The following ULK4 variants were observed in gnomAD, a reference collection of about 807,000 sequenced individuals.
ULK4 encodes the protein unc-51 like kinase 4.
Under a neutral mutation model 160.6 loss-of-function variants are expected in ULK4, and 133 were observed. The observed-to-expected ratio is 0.83, with a 90% CI of 0.72 to 0.96. The LOEUF (loss-of-function observed/expected upper bound fraction) is 0.96, where lower values mean the gene tolerates loss of function less well. Among genes scored for constraint, ULK4 ranks in the 40% least tolerant of loss-of-function variants. The probability of loss-of-function intolerance (pLI) is 0.00; values close to 1 mark genes in which losing one functional copy is unlikely to be tolerated. For synonymous variants in ULK4, 534 were observed against 539.8 expected (o/e 0.99, Z 0.15); for missense variants, 1,580 against 1,499.5 (o/e 1.05, Z -0.89).
intron 35 of ULK4, among the ~76,000 whole-genome samples, chr3:41,301,100 A>G (rs1261960958): frequency 6.6e-6 from 1 of 151,620 alleles, no homozygotes. Flanking sequence ...GTATTTCACT[A>G]CAAAATGAAA....
chr3:41,276,058 G>A (rs2079223779), intron 35 of ULK4, among the ~76,000 whole-genome samples: 1 of 152,246 alleles, frequency 6.6e-6, no homozygotes, highest in Admixed American at 6.5e-5. Context: ...ATACCCAGGG[G>A]TATGGTTTAG....
intron 32 of ULK4, among the ~76,000 whole-genome samples, chr3:41,528,948 C>T (rs766431230): frequency 2.0e-5 from 3 of 152,100 alleles, no homozygotes; most frequent in Non-Finnish European, 2.9e-5. Context: ...GCCTATGTAG[C>T]GAGCCTTCAC....
At chr3:41,800,780 T>C (rs1378683959) in intron 19 of ULK4, among the ~76,000 whole-genome samples, 4 of 152,200 alleles carry the variant, frequency 2.6e-5, no homozygotes, top group South Asian at 2.1e-4. Flanking sequence ...AAGAAAGGTA[T>C]TGCTTCAGTG....
chr3:41,933,852 C>T (rs924437712), intron 4 of ULK4, among the ~76,000 whole-genome samples: 2 of 152,054 alleles, frequency 1.3e-5, no homozygotes, highest in Admixed American at 6.6e-5. Flanking sequence ...GAGTTTGAGA[C>T]CAGCCTGGCC....
At chr3:41,719,251 T>A (rs561298109) in intron 22 of ULK4, among the ~76,000 whole-genome samples, 3 of 152,322 alleles carry the variant, frequency 2.0e-5, no homozygotes, top group African/African-American at 7.2e-5. Context: ...CAAGACTGAG[T>A]TCTAGGCCCA....
chr3:41,839,979 C>T lies in ULK4; in HGVS notation c.1657-4008G>A, dbSNP rs574065204. On this transcript the variant is annotated intron_variant, in intron 17 of 36. Coordinates refer to ENST00000301831, the MANE Select transcript of ULK4 (RefSeq NM_017886.4). ...TATGTTCATAGATAGGAAGACTCAACGTAGTGGAAAATGTCAAATTCTCCC... is the reference window on the plus strand; with the variant it reads ...TATGTTCATAGATAGGAAGACTCAATGTAGTGGAAAATGTCAAATTCTCCC... 8.4e-4 allele frequency among the ~76,000 whole-genome samples: 128 copies of T among 152,242 alleles called. 2 individuals carry two copies. Among genetic ancestry groups the T allele is most frequent in the Admixed American group, 1.5e-3 (23 of 15,294 alleles).
Position 41,455,598 on chromosome 3 carries a change from G to A in ULK4, c.3394-3C>T, listed in dbSNP as rs1259185329. On this transcript the variant is annotated splice_polypyrimidine_tract_variant and splice_region_variant and intron_variant, in intron 33 of 36. Coordinates refer to ENST00000301831, the MANE Select transcript of ULK4 (RefSeq NM_017886.4). ...TCTCCTGAGCCAGACTTCTGGGCCT[G>A]GAACAGAGAGAAGAGAAATGAAAGA... 1 of 1,613,510 alleles carries A rather than the reference G, an allele frequency of 6.2e-7. No homozygotes were observed.
At chr3:41,439,753 C>T (rs2083120824) in intron 34 of ULK4, among the ~76,000 whole-genome samples, 1 of 152,136 alleles carries the variant, frequency 6.6e-6, no homozygotes. Flanking sequence ...TGATCAATCT[C>T]TACAAAAAAT....
intron 31 of ULK4, among the ~76,000 whole-genome samples, chr3:41,595,035 C>T (rs2031598800): frequency 6.6e-6 from 1 of 152,164 alleles, no homozygotes; most frequent in Non-Finnish European, 1.5e-5. Context: ...GCAATGAGTG[C>T]AGGATCAAAA....
chr3:41,376,664 C>T lies in ULK4; in HGVS notation c.3678+21415G>A, dbSNP rs1407043314. Among the ~76,000 whole-genome samples, 5 of 149,550 alleles carry T rather than the reference C, an allele frequency of 3.3e-5. 1 individual carries two copies. The East Asian group carries it at 1.0e-3, about 31-fold the overall frequency. ...ATAAAATACCTAGGAATCCAACTTACAAGGGATGTGAAGGACCTCTTCAAG... is the reference window on the plus strand; with the variant it reads ...ATAAAATACCTAGGAATCCAACTTATAAGGGATGTGAAGGACCTCTTCAAG... On this transcript the variant is annotated intron_variant, in intron 35 of 36. Coordinates refer to ENST00000301831, the MANE Select transcript of ULK4 (RefSeq NM_017886.4).
chr3:41,528,547 C>G (rs955828979), intron 32 of ULK4, among the ~76,000 whole-genome samples: 1 of 152,166 alleles, frequency 6.6e-6, no homozygotes, highest in African/African-American at 2.4e-5. Flanking sequence ...ACTTTACAAT[C>G]AGGAAACCAA....
rs6803838 is a variant in ULK4 at position 41,398,060 on chromosome 3, G to A, written c.3678+19C>T. On this transcript the variant is annotated intron_variant, in intron 35 of 36. Transcript: ENST00000301831. ...CAGCAAAGCCACCCACAGTGTCCCC[G>A]GTTTCTGTGTGAACTCACCATTCTT... The A allele has an allele frequency of 9.3e-4, 1,492 of 1,602,720 alleles. 9 individuals carry two copies. The highest frequency in any genetic ancestry group is 8.0e-3 in the Middle Eastern group (48 of 6,000).
chr3:41,831,531 A>ATATATATATATATTTTTTTTTTTTTTT, intron 18 of ULK4, among the ~76,000 whole-genome samples: 1 of 138,066 alleles, frequency 7.2e-6, no homozygotes, highest in African/African-American at 2.8e-5. Context: ...ATATATATAT[A>ATATATATATATATTTTTTTTTTTTTTT]TTTTTTTTTC....
chr3:41,525,296 T>C (rs2086074446), intron 32 of ULK4, among the ~76,000 whole-genome samples: 1 of 152,192 alleles, frequency 6.6e-6, no homozygotes, highest in Non-Finnish European at 1.5e-5. Context: ...ATCTTTAGCA[T>C]TACCCGTTCC....
intron 17 of ULK4, among the ~76,000 whole-genome samples, chr3:41,870,009 A>G (rs1697032997): frequency 6.6e-6 from 1 of 152,164 alleles, no homozygotes; most frequent in Non-Finnish European, 1.5e-5. Flanking sequence ...TTCTTTGAAC[A>G]CTTTAAAAAT....
intron 32 of ULK4, among the ~76,000 whole-genome samples, chr3:41,540,431 C>A (rs1307989636): frequency 1.3e-5 from 2 of 152,164 alleles, no homozygotes; most frequent in African/African-American, 4.8e-5. Flanking sequence ...TTTATCCATT[C>A]CATCACTGAT....
At chr3:41,392,008 T>G (rs2081967819) in intron 35 of ULK4, among the ~76,000 whole-genome samples, 1 of 152,050 alleles carries the variant, frequency 6.6e-6, no homozygotes, top group Non-Finnish European at 1.5e-5. Flanking sequence ...TTAAGCCAAT[T>G]TTAGGCACAG....
At chr3:41,711,850 C>G (rs1435426940) in intron 25 of ULK4, among the ~76,000 whole-genome samples, 4 of 152,162 alleles carry the variant, frequency 2.6e-5, no homozygotes, top group Non-Finnish European at 5.9e-5. Flanking sequence ...GTTTCCCAGC[C>G]CAATTCAATG....
At chr3:41,918,391 G>T in intron 7 of ULK4, 66 bp downstream of exon 7, 3 of 1,054,844 alleles carry the variant, frequency 2.8e-6, no homozygotes, top group African/African-American at 1.6e-5. Flanking sequence ...AGCAAACGTT[G>T]GATAAAGGTA....
Sources: gnomAD v4.1 joint callset for allele counts (sites outside exome capture counted in the v4.1 genomes callset) on GRCh38, gnomAD v4.1.1 for gene constraint, MANE v1.5 for transcripts, NCBI Gene and HGNC (gene_info 2026-07-23, HGNC 2026-07-21) for gene names.